THOC2: variants seen among roughly 807,000 people sequenced by gnomAD.
THOC2 encodes THO complex subunit 2.
THOC2 carries 10 observed loss-of-function variants against 128.4 expected under a neutral mutation model. The observed-to-expected ratio is 0.08, with a 90% CI of 0.05 to 0.13. The LOEUF (loss-of-function observed/expected upper bound fraction) is 0.13, where lower values mean the gene tolerates loss of function less well. Ranked by LOEUF, THOC2 falls within the 10% of genes least tolerant of loss-of-function variation. THOC2 has a pLI of 1.00. For missense variants in THOC2, 535 were observed against 1,155.7 expected (o/e 0.46, Z 7.79); for synonymous variants, 393 against 396.9 (o/e 0.99, Z 0.12).
At chrX:123,601,821 A>T (rs1305757132) in intron 38 of THOC2, 1 of 112,147 alleles carries the variant, frequency 8.9e-6, no homozygotes, top group African/African-American at 3.2e-5. Context: ...AAAATGTAGC[A>T]AAGAAAAGTA....
intron 36 of THOC2, 148 bp downstream of exon 36, chrX:123,613,251 G>A (rs948467669): frequency 2.2e-5 from 12 of 540,484 alleles, no homozygotes; most frequent in Middle Eastern, 5.6e-4. Flanking sequence ...TTCCCCAAAC[G>A]GAATGCCCTC....
chrX:123,621,127 G>C, intron 31 of THOC2, 30 bp downstream of exon 31: 1 of 1,181,060 alleles, frequency 8.5e-7, no homozygotes, highest in Non-Finnish European at 1.1e-6. Context: ...ATAACAAAAC[G>C]TAAGAACGTA....
Position 123,636,186 on chromosome X carries a change from T to TA in THOC2, c.1922-12dup, listed in dbSNP as rs1352350409. The TA allele has an allele frequency of 4.3e-6, 5 of 1,162,319 alleles. No homozygotes were observed. The highest frequency in any genetic ancestry group is 4.8e-5 in the Admixed American group (2 of 42,064). ...AGAAACTAGCCAGACCTATATAAAA[T>TA]AAAAAAAGAGTAAAAACAACTCATA... On this transcript the variant is annotated splice_polypyrimidine_tract_variant and intron_variant, in intron 18 of 38. Coordinates refer to ENST00000245838, the MANE Select transcript of THOC2 (RefSeq NM_001081550.2).
intron 4 of THOC2, among the ~76,000 whole-genome samples, chrX:123,698,821 G>A: frequency 9.3e-6 from 1 of 107,686 alleles, no homozygotes; most frequent in Non-Finnish European, 1.9e-5. Context: ...GTTGCAGTGA[G>A]CCGAGATCAC....
chrX:123,730,947 G>A (rs2052224101), intron 1 of THOC2, among the ~76,000 whole-genome samples: 1 of 111,902 alleles, frequency 8.9e-6, no homozygotes, highest in South Asian at 3.7e-4. Flanking sequence ...CCGTCTCAAG[G>A]GGGAAAAAAA....
intron 37 of THOC2, among the ~76,000 whole-genome samples, 158 bp from the exon 38 acceptor site, chrX:123,611,121 C>G (rs1034024751): frequency 9.0e-6 from 1 of 111,127 alleles, no homozygotes; most frequent in African/African-American, 3.3e-5. Context: ...CATCATTTTG[C>G]CCTTCTATTC....
chrX:123,664,649 G>A (rs948623634), intron 12 of THOC2, among the ~76,000 whole-genome samples: 1 of 111,831 alleles, frequency 8.9e-6, no homozygotes, highest in African/African-American at 3.2e-5. Flanking sequence ...AAACCACAAT[G>A]AGATACCATC....
chrX:123,604,865 T>C (rs752291354), intron 38 of THOC2, among the ~76,000 whole-genome samples: 1 of 112,240 alleles, frequency 8.9e-6, no homozygotes, highest in East Asian at 2.8e-4. Context: ...GCATTTTTAC[T>C]AGTGTCTGAA....
At chrX:123,678,486 C>T (rs1024263631) in intron 8 of THOC2, among the ~76,000 whole-genome samples, 1 of 109,738 alleles carries the variant, frequency 9.1e-6, no homozygotes, top group Non-Finnish European at 1.9e-5. Context: ...AGGCTGGTCT[C>T]GAACTCCTGA....
rs1309393990 is a variant in THOC2, at chrX:123,623,834, G to A, written c.3456C>T (p.Cys1152=). 1 of 1,209,137 alleles carries A rather than the reference G, an allele frequency of 8.3e-7. No individual in the cohort carries two copies. The highest frequency in any genetic ancestry group is 2.2e-5 in the Admixed American group (1 of 45,452). ...CTGGCCTCTTCTCTTTTTCTTCTTG[G>A]CAGATTTTGTGTACTCTTCTTTCCA... The part of the protein sequence containing the change: ...QALERRVHKI[C]QEEKEKRPDL... Residue 1152 remains cysteine (C), a synonymous_variant, in exon 28 of 39, where the codon TGC becomes TGT. Coordinates refer to ENST00000245838, the MANE Select transcript of THOC2 (RefSeq NM_001081550.2).
At chrX:123,671,905 T>C (rs1016723761) in intron 8 of THOC2, 144 bp from the exon 9 acceptor site, 6 of 323,830 alleles carry the variant, frequency 1.9e-5, no homozygotes, top group African/African-American at 1.6e-4. Flanking sequence ...TCTTACCAAA[T>C]ATCTGAATTC....
intron 12 of THOC2, among the ~76,000 whole-genome samples, chrX:123,653,905 G>T (rs1404459977): frequency 1.8e-5 from 2 of 111,810 alleles, no homozygotes; most frequent in African/African-American, 6.5e-5. Flanking sequence ...CCATTACTGG[G>T]TATATACCCA....
chrX:123,717,011 T>C (rs1356696076), intron 1 of THOC2, among the ~76,000 whole-genome samples: 1 of 111,914 alleles, frequency 8.9e-6, no homozygotes, highest in Admixed American at 9.5e-5. Context: ...TAGTGAAAAG[T>C]TGAAAGTTTT....
intron 1 of THOC2, among the ~76,000 whole-genome samples, chrX:123,716,771 G>A (rs1386166952): frequency 9.8e-6 from 1 of 102,428 alleles, no homozygotes; most frequent in Admixed American, 1.1e-4. Context: ...GATGGCGTGC[G>A]TCTGTAATCC....
intron 12 of THOC2, among the ~76,000 whole-genome samples, chrX:123,656,330 TAAAAAAA>T (rs758091588): frequency 1.1e-4 from 4 of 37,963 alleles, no homozygotes; most frequent in African/African-American, 2.1e-4. Context: ...AGACTCCGTC[TAAAAAAA>T]AAAAAAAAAA....
intron 12 of THOC2, among the ~76,000 whole-genome samples, chrX:123,655,440 G>A (rs1008520630): frequency 8.9e-6 from 1 of 111,848 alleles, no homozygotes; most frequent in Non-Finnish European, 1.9e-5. Flanking sequence ...ACTGGTCTAA[G>A]GCACATTCTC....
intron 12 of THOC2, among the ~76,000 whole-genome samples, chrX:123,647,790 T>A (rs1300098559): frequency 1.2e-5 from 1 of 86,150 alleles, no homozygotes; most frequent in Non-Finnish European, 2.1e-5. Flanking sequence ...GCAGTGAGCC[T>A]AGATCACGCC....
chrX:123,611,810 C>T (rs2046711088), intron 36 of THOC2, among the ~76,000 whole-genome samples: 1 of 106,194 alleles, frequency 9.4e-6, no homozygotes, highest in African/African-American at 3.4e-5. Context: ...ACATAAAGAA[C>T]TCTTACAACT....
At chrX:123,648,420 T>C (rs6608109) in intron 12 of THOC2, among the ~76,000 whole-genome samples, 38,456 of 110,386 alleles carry the variant, frequency 0.35, 5,080 homozygotes, top group East Asian at 0.67. Flanking sequence ...TGCTGGAGTT[T>C]TCTTTCAAAC....
Sources: allele counts gnomAD v4.1 joint callset (sites outside exome capture counted in the v4.1 genomes callset), GRCh38; gene constraint gnomAD v4.1.1; transcripts MANE v1.5; gene names NCBI Gene and HGNC (gene_info 2026-07-23, HGNC 2026-07-21).